The following CLINT1 variants were observed in gnomAD, a reference collection of about 807,000 sequenced individuals.
CLINT1 encodes clathrin interactor 1.
In CLINT1, 15 loss-of-function variants were observed where a neutral mutation model predicts 70.4. The ratio of observed to expected loss-of-function variants is 0.21; its 90% CI spans 0.14 to 0.33. The LOEUF (loss-of-function observed/expected upper bound fraction) is 0.33, where lower values mean the gene tolerates loss of function less well. Ranked by LOEUF, CLINT1 falls within the 10% of genes least tolerant of loss-of-function variation. CLINT1 has a pLI of 1.00. For missense variants in CLINT1, 615 were observed against 778.1 expected, an observed-to-expected ratio of 0.79 and a Z score of 2.49; for synonymous variants, 227 against 254.7, an observed-to-expected ratio of 0.89 and a Z score of 1.04.
At chr5:157,831,600 T>C (rs1403185379) in intron 1 of CLINT1, among the ~76,000 whole-genome samples, 1 of 151,830 alleles carries the variant, frequency 6.6e-6, no homozygotes, top group Non-Finnish European at 1.5e-5. Context: ...CATAAAGAGG[T>C]AACATTGTTC....
At chr5:157,831,034 AC>A (rs1763226391) in intron 1 of CLINT1, among the ~76,000 whole-genome samples, 1 of 148,326 alleles carries the variant, frequency 6.7e-6, no homozygotes, top group Admixed American at 6.6e-5. Context: ...ACAGAACAAG[AC>A]CCTGTCTCAA....
intron 8 of CLINT1, 54 bp downstream of exon 8, chr5:157,803,596 G>A: frequency 8.2e-7 from 1 of 1,223,592 alleles, no homozygotes; most frequent in Non-Finnish European, 1.1e-6. Context: ...CTTTTATTTG[G>A]CATTTTAAAA....
chr5:157,842,713 CCAATTTT>C (rs1561671942), intron 1 of CLINT1, among the ~76,000 whole-genome samples: 1 of 152,024 alleles, frequency 6.6e-6, no homozygotes, highest in Non-Finnish European at 1.5e-5. Context: ...TTCCTCAAAT[CCAATTTT>C]CAATAAATTT....
intron 1 of CLINT1, among the ~76,000 whole-genome samples, chr5:157,836,596 A>T (rs1314845436): frequency 3.3e-5 from 5 of 152,154 alleles, no homozygotes; most frequent in Non-Finnish European, 2.9e-5. Context: ...CCCTTAGAAT[A>T]AACCCAAACT....
intron 10 of CLINT1, 153 bp from the exon 11 acceptor site, chr5:157,789,666 A>G (rs1198422200): frequency 1.0e-6 from 1 of 955,128 alleles, no homozygotes; most frequent in African/African-American, 1.6e-5. Flanking sequence ...AACAAAAAGA[A>G]CCACTAATGT....
At chr5:157,794,869 G>C in intron 9 of CLINT1, 29 bp downstream of exon 9, 1 of 1,531,606 alleles carries the variant, frequency 6.5e-7, no homozygotes, top group South Asian at 1.2e-5. Context: ...TACCACCCTA[G>C]ACTTCTGGCC....
intron 8 of CLINT1, among the ~76,000 whole-genome samples, chr5:157,800,705 C>G (rs1276126196): frequency 1.3e-5 from 2 of 152,152 alleles, no homozygotes; most frequent in Non-Finnish European, 2.9e-5. Context: ...TTCATTCAAA[C>G]TTTCTCAGTT....
rs372157773 is a variant in CLINT1, at chr5:157,799,014, C to T, written c.1013-4042G>A. Among the ~76,000 whole-genome samples, 81 of 152,044 alleles carry T rather than the reference C, an allele frequency of 5.3e-4. No individual in the cohort carries two copies. The East Asian group carries it at 6.0e-3, about 11-fold the overall frequency. On this transcript the variant is annotated intron_variant, in intron 8 of 11. Transcript: ENST00000411809. ...TGACTAAAACCCAGAAAAACCCAAA[C>T]AAATGAAAAGTCATATCTAAAAGCC...
At chr5:157,832,371 C>T (rs986652696) in intron 1 of CLINT1, among the ~76,000 whole-genome samples, 2 of 152,174 alleles carry the variant, frequency 1.3e-5, no homozygotes, top group African/African-American at 4.8e-5. Context: ...AGTTTCACTA[C>T]TTTTTGTCCT....
intron 1 of CLINT1, among the ~76,000 whole-genome samples, chr5:157,852,722 T>C (rs564421102): frequency 6.6e-6 from 1 of 152,332 alleles, no homozygotes; most frequent in East Asian, 1.9e-4. Flanking sequence ...TTCAATCCAG[T>C]TCTCACCTCT....
chr5:157,840,260 A>C (rs1171710933), intron 1 of CLINT1, among the ~76,000 whole-genome samples: 3 of 151,594 alleles, frequency 2.0e-5, no homozygotes, highest in Non-Finnish European at 4.4e-5. Context: ...TAAAAAAAAA[A>C]AACAAAAAAC....
At chr5:157,838,289 AT>A (rs1321997818) in intron 1 of CLINT1, among the ~76,000 whole-genome samples, 2 of 151,906 alleles carry the variant, frequency 1.3e-5, no homozygotes, top group Non-Finnish European at 1.5e-5. Context: ...CGCCCAGCTA[AT>A]TTTTGTATTT....
intron 10 of CLINT1, chr5:157,789,725 T>C: frequency 1.5e-6 from 1 of 646,216 alleles, no homozygotes; most frequent in Non-Finnish European, 2.6e-6. Context: ...CCCAAAGAGG[T>C]TCCTCTGAAG....
intron 8 of CLINT1, among the ~76,000 whole-genome samples, chr5:157,797,943 A>T (rs758783051): frequency 5.3e-5 from 8 of 152,194 alleles, no homozygotes; most frequent in Non-Finnish European, 1.0e-4. Flanking sequence ...GCTTAAGAAT[A>T]TTGGGAGCAA....
intron 3 of CLINT1, 38 bp downstream of exon 3, chr5:157,816,696 C>T (rs1762732754): frequency 1.4e-6 from 2 of 1,429,078 alleles, no homozygotes; most frequent in East Asian, 4.6e-5. Flanking sequence ...CATTTGTTTT[C>T]AACATGTCAA....
intron 1 of CLINT1, among the ~76,000 whole-genome samples, chr5:157,819,692 C>T (rs147113236): frequency 0.012 from 1,881 of 152,256 alleles, 14 homozygotes; most frequent in Non-Finnish European, 0.019. Flanking sequence ...TGAAAATGAA[C>T]AATAGCAATT....
chr5:157,844,673 A>C (rs1043036892), intron 1 of CLINT1, among the ~76,000 whole-genome samples: 6 of 152,224 alleles, frequency 3.9e-5, no homozygotes, highest in Non-Finnish European at 8.8e-5. Context: ...TGAACATAAG[A>C]AAAATTGGAA....
intron 6 of CLINT1, among the ~76,000 whole-genome samples, chr5:157,808,678 A>C (rs965703421): frequency 2.6e-5 from 4 of 152,124 alleles, no homozygotes; most frequent in African/African-American, 7.2e-5. Flanking sequence ...GCAAAGCTCA[A>C]AGTATTGTTC....
chr5:157,849,845 T>C (rs931434899), intron 1 of CLINT1, among the ~76,000 whole-genome samples: 3 of 152,236 alleles, frequency 2.0e-5, no homozygotes, highest in African/African-American at 7.2e-5. Flanking sequence ...TTACCAAATT[T>C]AATGTATTCA....
Sources: allele counts gnomAD v4.1 joint callset (sites outside exome capture counted in the v4.1 genomes callset), GRCh38; gene constraint gnomAD v4.1.1; transcripts MANE v1.5; gene names NCBI Gene and HGNC (gene_info 2026-07-23, HGNC 2026-07-21).